Variants in OTUD3 observed in about 807,000 individuals in gnomAD.
OTUD3 encodes OTU domain-containing protein 3.
In OTUD3, 24 loss-of-function variants were observed where a neutral mutation model predicts 46.2. The observed-to-expected ratio is 0.52, with a 90% CI of 0.38 to 0.73. The LOEUF is 0.73. Among genes scored for constraint, OTUD3 ranks in the 30% least tolerant of loss-of-function variants. The pLI, the probability that OTUD3 is intolerant of heterozygous loss-of-function variation, is 0.00. For missense variants in OTUD3, 455 were observed against 523.3 expected (o/e 0.87, Z 1.27); for synonymous variants, 189 against 195.4 (o/e 0.97, Z 0.27).
intron 3 of OTUD3, among the ~76,000 whole-genome samples, chr1:19,896,594 T>C (rs959693015): frequency 2.0e-5 from 3 of 152,180 alleles, no homozygotes; most frequent in African/African-American, 7.2e-5. Context: ...GTTTGTTCCA[T>C]GGTTTTTGCT....
In OTUD3 at chr1:19,903,996, A is replaced by C. The variant is rs144266396; in HGVS notation, c.607-271A>C. Among the ~76,000 whole-genome samples, 3 of 152,352 alleles carry C rather than the reference A, an allele frequency of 2.0e-5. No individual in the cohort carries two copies. The East Asian group carries it at 5.8e-4, about 29-fold the overall frequency. Reference sequence around the variant, plus strand: ...CTGTCAGAGGCAGCAGTCATTTGCCAGTGTTGGCATTTAGACATGGGAGTG... The same window carrying C: ...CTGTCAGAGGCAGCAGTCATTTGCCCGTGTTGGCATTTAGACATGGGAGTG... On this transcript the variant is annotated intron_variant, in intron 4 of 7. Coordinates refer to ENST00000375120, the MANE Select transcript of OTUD3 (RefSeq NM_015207.2).
At position 19,882,690 on chromosome 1, in the gene OTUD3, G is replaced by T. The variant is rs1397369308; in HGVS notation, c.177G>T (p.Gln59His). The change falls in exon 1 of 8, where the codon CAG (glutamine) becomes CAT (histidine). Residue 59 changes from glutamine (Q) to histidine (H), a missense_variant. Transcript: ENST00000375120. ...AGGAGTTCGTCAGCTTCGCCAACCAGCTGCAGGCCCTGGGGCTGAAGCTGC... is the reference window on the plus strand; with the variant it reads ...AGGAGTTCGTCAGCTTCGCCAACCATCTGCAGGCCCTGGGGCTGAAGCTGC... Reference protein sequence around the residue: ...CEEEFVSFANQLQALGLKLRE... With the variant: ...CEEEFVSFANHLQALGLKLRE... 2.1e-6 allele frequency: 3 copies of T among 1,453,766 alleles called. No homozygotes were observed. The highest frequency in any genetic ancestry group is 2.7e-5 in the South Asian group (2 of 73,368). 90.1% of individuals were successfully genotyped at this position (1,453,766 alleles called of 1,614,324 possible). A position where few individuals can be genotyped will look rare whatever the true frequency, so the allele number is the denominator to read the frequency against.
In OTUD3 at chr1:19,890,421, G is replaced by T; in HGVS notation, c.258G>T (p.Glu86Asp). The change falls in exon 2 of 8, where the codon GAG becomes GAT. Residue 86 changes from glutamate to aspartate, a missense_variant. Transcript: ENST00000375120. ...TCAGAGCTCTTGGTGATCAATTGGA[G>T]GGACACTCACGAAATCATCTCAAGC... is the stretch of plus-strand genomic sequence containing the variant. ...CLFRALGDQL[E>D]GHSRNHLKHR... The T allele has an allele frequency of 5.0e-6, 8 of 1,613,944 alleles. No homozygotes were observed. The highest frequency in any genetic ancestry group is 6.8e-6 in the Non-Finnish European group (8 of 1,179,856).
At position 19,910,869 on chromosome 1, in the gene OTUD3, A is replaced by G. The variant is rs1249372916; in HGVS notation, c.*3123A>G. Reference sequence around the variant, plus strand: ...CACCTTCAGTCGGGGAGTTGCTCACATATTACACAGGTAGCATCAGGTGGA... The same window carrying G: ...CACCTTCAGTCGGGGAGTTGCTCACGTATTACACAGGTAGCATCAGGTGGA... On this transcript the variant is annotated 3_prime_UTR_variant, in exon 8 of 8. Coordinates refer to ENST00000375120, the MANE Select transcript of OTUD3 (RefSeq NM_015207.2). 6.6e-6 allele frequency: 1 copy of G among 152,406 alleles called. No homozygotes were observed. The highest frequency in any genetic ancestry group is 1.5e-5 in the Non-Finnish European group (1 of 68,086). 9.4% of individuals were successfully genotyped at this position (152,406 alleles called of 1,614,324 possible).
chr1:19,908,585 G>A lies in OTUD3; in HGVS notation c.*839G>A, dbSNP rs968612471. 1 of 152,200 alleles carries A rather than the reference G, an allele frequency of 6.6e-6. No homozygotes were observed. Among genetic ancestry groups the A allele is most frequent in the Non-Finnish European group, 1.5e-5 (1 of 67,990 alleles). The allele number at this position is 152,200 out of a possible 1,614,324, so 9.4% of individuals were successfully genotyped here. On this transcript the variant is annotated 3_prime_UTR_variant, in exon 8 of 8. Coordinates refer to ENST00000375120, the MANE Select transcript of OTUD3 (RefSeq NM_015207.2). ...AGAGCAGGGTCTATAGTTGTAACAG[G>A]AGACGAACTCCTGGGGTTTTGCCTA...
At chr1:19,891,634 T>C (rs923754351) in intron 2 of OTUD3, among the ~76,000 whole-genome samples, 17 of 152,174 alleles carry the variant, frequency 1.1e-4, no homozygotes, top group Admixed American at 1.1e-3. Context: ...ACAAGAGTGA[T>C]TCTGAAGTTT....
intron 3 of OTUD3, among the ~76,000 whole-genome samples, chr1:19,896,754 T>C (rs1285660345): frequency 6.6e-6 from 1 of 152,196 alleles, no homozygotes; most frequent in African/African-American, 2.4e-5. Flanking sequence ...GAGAGTTTCT[T>C]TGGACGTGGC....
In OTUD3 at chr1:19,882,547, G is replaced by A. The variant is rs1168765870; in HGVS notation, c.34G>A (p.Gly12Ser). 3 of 1,349,180 alleles carry A rather than the reference G, an allele frequency of 2.2e-6. No homozygotes were observed. Among genetic ancestry groups the A allele is most frequent in the Non-Finnish European group, 2.8e-6 (3 of 1,058,784 alleles). The allele number at this position is 1,349,180 out of a possible 1,614,324, so 83.6% of individuals were successfully genotyped here. A position where few individuals can be genotyped will look rare whatever the true frequency, so the allele number is the denominator to read the frequency against. Residue 12 changes from glycine to serine, a missense_variant, in exon 1 of 8, where the codon GGC becomes AGC. Transcript: ENST00000375120. Reference protein sequence around the residue: ...SRKQAAKSRPGSGSRKAEAER... With the variant: ...SRKQAAKSRPSSGSRKAEAER... ...AAAGCAGGCGGCGAAGAGCCGGCCG[G>A]GCAGCGGCAGCCGGAAAGCCGAGGC...
chr1:19,898,073 C>G (rs1022295647), intron 4 of OTUD3, among the ~76,000 whole-genome samples: 7 of 151,706 alleles, frequency 4.6e-5, no homozygotes, highest in Non-Finnish European at 1.0e-4. Context: ...CTCAGCCTCC[C>G]TAGTAGCTGG....
At position 19,906,537 on chromosome 1, in the gene OTUD3, A is replaced by G. The variant is rs764945746; in HGVS notation, c.941A>G (p.Asn314Ser). The change falls in exon 7 of 8, where the codon AAT becomes AGT. Residue 314 changes from asparagine to serine, a missense_variant. Coordinates refer to ENST00000375120, the MANE Select transcript of OTUD3 (RefSeq NM_015207.2). Reference sequence around the variant, plus strand: ...AGAATCTTTGGAAATCAGGGCTTAAATGAAGGCAGGACCGAAAACAATAAG... The same window carrying G: ...AGAATCTTTGGAAATCAGGGCTTAAGTGAAGGCAGGACCGAAAACAATAAG... ...GARIFGNQGL[N>S]EGRTENNKAQ... 8.7e-6 allele frequency: 14 copies of G among 1,613,938 alleles called. No individual in the cohort carries two copies. In the Middle Eastern group the frequency reaches 5.1e-4, roughly 58 times the overall value.
At chr1:19,901,201 T>C (rs1335453247) in intron 4 of OTUD3, among the ~76,000 whole-genome samples, 2 of 152,162 alleles carry the variant, frequency 1.3e-5, no homozygotes, top group African/African-American at 4.8e-5. Flanking sequence ...TGAGCCACCG[T>C]GCCCGGCCCT....
chr1:19,883,399 A>G (rs563002003), intron 1 of OTUD3, among the ~76,000 whole-genome samples: 1 of 152,206 alleles, frequency 6.6e-6, no homozygotes, highest in East Asian at 1.9e-4. Flanking sequence ...TAGCTTCAAG[A>G]AAGGGGATAT....
At chr1:19,902,574 C>T (rs549219244) in intron 4 of OTUD3, among the ~76,000 whole-genome samples, 9 of 152,234 alleles carry the variant, frequency 5.9e-5, no homozygotes, top group South Asian at 4.1e-4. Context: ...ATGTGGTTTT[C>T]GGCCATTTGT....
rs2045279510 is a variant in OTUD3 at position 19,882,442 on chromosome 1, C to T, written c.-72C>T. ...CCGTTGCCCGCGCTGTTTTACCTTC[C>T]CAACGCTTGAGGCGGACGCTGGGGG... On this transcript the variant is annotated 5_prime_UTR_variant, in exon 1 of 8. Transcript: ENST00000375120. The T allele has an allele frequency of 3.0e-6, 4 of 1,315,304 alleles. No homozygotes were observed. The South Asian group carries it at 6.6e-5, about 22-fold the overall frequency. 81.5% of individuals were successfully genotyped at this position (1,315,304 alleles called of 1,614,324 possible). A position where few individuals can be genotyped will look rare whatever the true frequency, so the allele number is the denominator to read the frequency against.
At chr1:19,907,489 C>T (rs2045676193) in intron 7 of OTUD3, 81 bp from the exon 8 acceptor site, 7 of 1,390,740 alleles carry the variant, frequency 5.0e-6, no homozygotes, top group South Asian at 2.6e-5. Flanking sequence ...AATCTGTGCC[C>T]TTTGCCACCA....
chr1:19,882,491 G>T lies in OTUD3; in HGVS notation c.-23G>T, dbSNP rs2045280944. ...GGGTCCTGCGCCTTTCCCTCCTGCC[G>T]CTGGGGACTGCAGGCTAAGGCCATG... On this transcript the variant is annotated 5_prime_UTR_variant, in exon 1 of 8. Transcript: ENST00000375120. The T allele has an allele frequency of 7.4e-7, 1 of 1,350,026 alleles. No individual in the cohort carries two copies. Among genetic ancestry groups the T allele is most frequent in the South Asian group, 1.9e-5 (1 of 53,258 alleles). The allele number at this position is 1,350,026 out of a possible 1,614,324, so 83.6% of individuals were successfully genotyped here.
chr1:19,905,485 G>C (rs995698831), intron 6 of OTUD3, among the ~76,000 whole-genome samples: 4 of 152,068 alleles, frequency 2.6e-5, no homozygotes, highest in African/African-American at 7.2e-5. Flanking sequence ...GCTCACACCT[G>C]TAATCCCAGC....
Position 19,911,193 on chromosome 1 carries a change from C to A in OTUD3, c.*3447C>A, listed in dbSNP as rs1176443507. ...TTTTGGGTAGATGCGTAGCTCTTCA[C>A]TTTCTTACCTCAAGGCTCTGTCTAG... is the stretch of plus-strand genomic sequence containing the variant. On this transcript the variant is annotated 3_prime_UTR_variant, in exon 8 of 8. Coordinates refer to ENST00000375120, the MANE Select transcript of OTUD3 (RefSeq NM_015207.2). 6.6e-6 allele frequency: 1 copy of A among 152,222 alleles called. No individual in the cohort carries two copies. The highest frequency in any genetic ancestry group is 1.5e-5 in the Non-Finnish European group (1 of 68,028). 9.4% of individuals were successfully genotyped at this position (152,222 alleles called of 1,614,324 possible).
Position 19,904,904 on chromosome 1 carries a change from T to C in OTUD3, c.752T>C (p.Ile251Thr), listed in dbSNP as rs1179798620. The C allele has an allele frequency of 2.6e-6, 4 of 1,540,438 alleles. No homozygotes were observed. Reference sequence around the variant, plus strand: ...TTTCTTGGATAGGATTTTAATTTAATAGTCCAGAACCTGGAAGCTGAAAAT... The same window carrying C: ...TTTCTTGGATAGGATTTTAATTTAACAGTCCAGAACCTGGAAGCTGAAAAT... ...NATGCSDFNL[I>T]VQNLEAENYN... The change falls in exon 6 of 8, where the codon ATA becomes ACA. Residue 251 changes from isoleucine to threonine, a missense_variant. Ile to Thr is a moderately conservative substitution (Grantham distance 89, BLOSUM62 -1). Transcript: ENST00000375120.
Sources: allele counts gnomAD v4.1 joint callset (sites outside exome capture counted in the v4.1 genomes callset), GRCh38; gene constraint gnomAD v4.1.1; transcripts MANE v1.5; gene names NCBI Gene and HGNC (gene_info 2026-07-23, HGNC 2026-07-21).